ACRBP: variants seen among roughly 807,000 people sequenced by gnomAD.
ACRBP encodes acrosin-binding protein.
A neutral mutation model predicts 69.0 loss-of-function variants in ACRBP; 52 were observed. The observed-to-expected ratio is 0.75, with a 90% CI of 0.60 to 0.95. The LOEUF (loss-of-function observed/expected upper bound fraction) is 0.95, where lower values mean the gene tolerates loss of function less well. Among genes scored for constraint, ACRBP ranks in the 40% least tolerant of loss-of-function variants. ACRBP has a pLI of 0.00. For synonymous variants in ACRBP, 267 were observed against 258.9 expected, an observed-to-expected ratio of 1.03 and a Z score of -0.30; for missense variants, 604 against 673.0, an observed-to-expected ratio of 0.90 and a Z score of 1.13.
rs146993372 is a variant in ACRBP at position 6,639,884 on chromosome 12, AGGGTGGGGTGGG to A, written c.1425+164_1425+175del. Among the ~76,000 whole-genome samples the A allele has an allele frequency of 1.4e-3, 209 of 152,090 alleles. 3 individuals carry two copies. In the East Asian group the frequency reaches 0.037, roughly 27 times the overall value. On this transcript the variant is annotated intron_variant, in intron 8 of 9. Coordinates refer to ENST00000229243, the MANE Select transcript of ACRBP (RefSeq NM_032489.3). ...ACTCCTTTGCCTGCTCTATTGGTGG[AGGGTGGGGTGGG>A]GTGCAATGGTCTCTTGGAGAGAGGC...
At chr12:6,639,521 C>G (rs940377394) in intron 8 of ACRBP, among the ~76,000 whole-genome samples, 1 of 152,246 alleles carries the variant, frequency 6.6e-6, no homozygotes, top group Non-Finnish European at 1.5e-5. Flanking sequence ...GCTGCCCTTA[C>G]TTTTCCTTGC....
rs1949093504 is a variant in ACRBP, at chr12:6,646,839, G to C, written c.217C>G (p.Leu73Val). ...TTTTCATATTGGTCCAGCTGGACGA[G>C]TGTGGGATTCCGGCAGCCGTGGGTT... ...RATHGCRNPT[L>V]VQLDQYENHG... Residue 73 changes from leucine to valine, a missense_variant, in exon 2 of 10, where the codon CTC (leucine) becomes GTC (valine). Around this residue, in one of 3 missense-constraint regions of ACRBP, gnomAD observed 532 missense variants for 562.9 expected, o/e 0.95. Transcript: ENST00000229243. 3 of 1,614,188 alleles carry C rather than the reference G, an allele frequency of 1.9e-6. No homozygotes were observed. The highest frequency in any genetic ancestry group is 2.5e-6 in the Non-Finnish European group (3 of 1,180,038).
chr12:6,639,130 C>A, intron 8 of ACRBP, 93 bp from the exon 9 acceptor site: 1 of 1,207,442 alleles, frequency 8.3e-7, no homozygotes, highest in Non-Finnish European at 1.2e-6. Flanking sequence ...GAGCCAGGGG[C>A]AGGGTGTGGC....
chr12:6,647,112 G>C (rs923160345), intron 1 of ACRBP, 100 bp from the exon 2 acceptor site: 1 of 1,199,182 alleles, frequency 8.3e-7, no homozygotes, highest in African/African-American at 1.5e-5. Context: ...AACGGGGTGA[G>C]GGTTATCCCT....
chr12:6,638,483 C>G, intron 9 of ACRBP, 79 bp from the exon 10 acceptor site: 1 of 1,587,652 alleles, frequency 6.3e-7, no homozygotes, highest in South Asian at 1.1e-5. Context: ...GTGTCAGAAG[C>G]CCAAAAGAAC....
intron 5 of ACRBP, 134 bp from the exon 6 acceptor site, chr12:6,643,805 G>A: frequency 1.6e-6 from 2 of 1,274,518 alleles, no homozygotes; most frequent in Non-Finnish European, 1.1e-6. Flanking sequence ...GGCCTTAGAG[G>A]CCTCTGGACA....
In ACRBP at chr12:6,638,137, C is replaced by CT; in HGVS notation, c.*144dup. Reference sequence around the variant, plus strand: ...AGGGCGCAGCTCCCACCGTGGCCCTCTCTGGGACTGTTGCTCCAACCCAAG... The same window carrying CT: ...AGGGCGCAGCTCCCACCGTGGCCCTCTTCTGGGACTGTTGCTCCAACCCAAG... On this transcript the variant is annotated 3_prime_UTR_variant, in exon 10 of 10. Coordinates refer to ENST00000229243, the MANE Select transcript of ACRBP (RefSeq NM_032489.3). 3.3e-6 allele frequency: 4 copies of CT among 1,204,628 alleles called. No homozygotes were observed. Among genetic ancestry groups the CT allele is most frequent in the Non-Finnish European group, 4.7e-6 (4 of 854,092 alleles). 74.6% of individuals were successfully genotyped at this position (1,204,628 alleles called of 1,614,324 possible).
At position 6,645,666 on chromosome 12, in the gene ACRBP, G is replaced by GTTTT. The variant is rs3054294; in HGVS notation, c.358-333_358-330dup. Among the ~76,000 whole-genome samples the GTTTT allele has an allele frequency of 3.6e-4, 51 of 142,734 alleles. 1 individual carries two copies. The highest frequency in any genetic ancestry group is 6.7e-4 in the African/African-American group (26 of 38,650). 93.6% of individuals were successfully genotyped at this position (142,734 alleles called of 152,430 possible). On this transcript the variant is annotated intron_variant, in intron 3 of 9. Coordinates refer to ENST00000229243, the MANE Select transcript of ACRBP (RefSeq NM_032489.3). Reference sequence around the variant, plus strand: ...TTTGGGTTTTGGGTTTGTTTTTTTTGTTTTTTTTTTTTGAGACGGAGTCTC... The same window carrying GTTTT: ...TTTGGGTTTTGGGTTTGTTTTTTTTGTTTTTTTTTTTTTTTTGAGACGGAGTCTC...
At chr12:6,639,164 C>G (rs561093650) in intron 8 of ACRBP, 127 bp from the exon 9 acceptor site, 5 of 788,906 alleles carry the variant, frequency 6.3e-6, no homozygotes, top group South Asian at 6.3e-5. Flanking sequence ...CTTCCACACA[C>G]AGGCGGCCCC....
chr12:6,646,053 G>A (rs1358921642), intron 3 of ACRBP, among the ~76,000 whole-genome samples: 8 of 151,214 alleles, frequency 5.3e-5, no homozygotes, highest in East Asian at 2.0e-4. Flanking sequence ...TTTGCCTCCC[G>A]GGTTCAAGCA....
chr12:6,646,687 G>T (rs1949092162), intron 2 of ACRBP, 107 bp downstream of exon 2: 2 of 1,517,376 alleles, frequency 1.3e-6, no homozygotes, highest in Admixed American at 1.8e-5. Flanking sequence ...CTCATGGTGT[G>T]GTGCCAGCCA....
At chr12:6,642,404 T>C (rs1029645378) in intron 6 of ACRBP, among the ~76,000 whole-genome samples, 2 of 152,214 alleles carry the variant, frequency 1.3e-5, no homozygotes, top group South Asian at 4.1e-4. Flanking sequence ...TTGAAATGTT[T>C]TTTGTGTATC....
At chr12:6,639,907 C>T (rs577627151) in intron 8 of ACRBP, among the ~76,000 whole-genome samples, 153 bp downstream of exon 8, 1 of 152,124 alleles carries the variant, frequency 6.6e-6, no homozygotes, top group Admixed American at 6.6e-5. Flanking sequence ...GTGCAATGGT[C>T]TCTTGGAGAG....
At chr12:6,643,782 A>G (rs558099847) in intron 5 of ACRBP, 111 bp from the exon 6 acceptor site, 2 of 1,439,688 alleles carry the variant, frequency 1.4e-6, no homozygotes, top group African/African-American at 2.8e-5. Context: ...CACATTCAGC[A>G]TGCTTAGCAT....
chr12:6,641,757 C>T (rs1054668739), intron 6 of ACRBP, among the ~76,000 whole-genome samples: 3 of 152,152 alleles, frequency 2.0e-5, no homozygotes, highest in Non-Finnish European at 4.4e-5. Flanking sequence ...GAAATTTCTA[C>T]CTCTTCTTTG....
chr12:6,643,464 C>T (rs1469635352), intron 6 of ACRBP, 75 bp downstream of exon 6: 29 of 1,573,354 alleles, frequency 1.8e-5, no homozygotes, highest in Admixed American at 3.4e-5. Flanking sequence ...ATCCTCCACT[C>T]CCATAGCCTA....
chr12:6,639,082 A>C, intron 8 of ACRBP, 45 bp from the exon 9 acceptor site: 86 of 1,547,232 alleles, frequency 5.6e-5, no homozygotes, highest in Non-Finnish European at 6.9e-5. Flanking sequence ...CAGAAGCCTC[A>C]CCAGGCAGCA....
chr12:6,647,102 A>T, intron 1 of ACRBP, 90 bp from the exon 2 acceptor site: 1 of 1,267,010 alleles, frequency 7.9e-7, no homozygotes. Context: ...GCAAATTAGG[A>T]ACGGGGTGAG....
chr12:6,639,305 C>T (rs1029228760), intron 8 of ACRBP, among the ~76,000 whole-genome samples: 1 of 152,186 alleles, frequency 6.6e-6, no homozygotes, highest in African/African-American at 2.4e-5. Flanking sequence ...GGGAATGGGG[C>T]AGGACGGGGT....
Sources: gnomAD v4.1 joint callset for allele counts (sites outside exome capture counted in the v4.1 genomes callset) on GRCh38, gnomAD v4.1.1 for gene constraint, gnomAD v4.1.1 regional missense constraint, MANE v1.5 for transcripts, NCBI Gene and HGNC (gene_info 2026-07-23, HGNC 2026-07-21) for gene names.